The following RALB variants were observed in gnomAD, a reference collection of about 807,000 sequenced individuals.
RALB encodes ras-related protein Ral-B.
Under a neutral mutation model 21.3 loss-of-function variants are expected in RALB, and 16 were observed. That is an observed-to-expected ratio of 0.75 (90% CI 0.51 to 1.14). RALB has a LOEUF of 1.14. RALB is among the 50% of genes most tolerant of loss of function. RALB has a pLI of 0.00. For synonymous variants in RALB, 93 were observed against 96.1 expected, an observed-to-expected ratio of 0.97 and a Z score of 0.19; for missense variants, 161 against 256.2, an observed-to-expected ratio of 0.63 and a Z score of 2.54.
intron 2 of RALB, among the ~76,000 whole-genome samples, chr2:120,285,323 G>A (rs1690103844): frequency 6.6e-6 from 1 of 152,198 alleles, no homozygotes; most frequent in African/African-American, 2.4e-5. Flanking sequence ...ACATTGGGAT[G>A]ATAATTCGGA....
rs148592343 is a variant in RALB, at chr2:120,256,696, C to T, written c.-48+3716C>T. On this transcript the variant is annotated intron_variant, in intron 1 of 4. Coordinates refer to ENST00000272519, the MANE Select transcript of RALB (RefSeq NM_002881.3). Reference sequence around the variant, plus strand: ...CTTTCCTTTATAAATTACCCAGTCTCGGATATTTCTTCATAGCAGCATGAG... The same window carrying T: ...CTTTCCTTTATAAATTACCCAGTCTTGGATATTTCTTCATAGCAGCATGAG... Among the ~76,000 whole-genome samples the T allele has an allele frequency of 9.8e-4, 149 of 152,292 alleles. 3 individuals are homozygous for T. The East Asian group carries it at 0.01, about 10-fold the overall frequency.
intron 3 of RALB, among the ~76,000 whole-genome samples, chr2:120,286,859 A>G (rs1690172998): frequency 6.6e-6 from 1 of 152,204 alleles, no homozygotes; most frequent in Admixed American, 6.5e-5. Flanking sequence ...GGTGTTAGAG[A>G]AGAAAGAAAA....
chr2:120,277,738 C>T lies in RALB; in HGVS notation c.-47-880C>T, dbSNP rs1357413349. On this transcript the variant is annotated intron_variant, in intron 1 of 4. Transcript: ENST00000272519. ...TAGTGCGTGTGTGATAGTGTGTGAG[C>T]TTGTGTGTGAATGTGAGCATGTATG... is the stretch of plus-strand genomic sequence containing the variant. 3.3e-5 allele frequency among the ~76,000 whole-genome samples: 5 copies of T among 150,972 alleles called. No homozygotes were observed. In the East Asian group the frequency reaches 1.0e-3, roughly 30 times the overall value.
intron 1 of RALB, chr2:120,240,254 ATGTACTCATGG>A (rs1688870440): frequency 1.4e-6 from 1 of 731,064 alleles, no homozygotes; most frequent in African/African-American, 1.9e-5. Flanking sequence ...GTCACACAGC[ATGTACTCATGG>A]AGCTGCTACT....
intron 1 of RALB, among the ~76,000 whole-genome samples, chr2:120,263,992 A>G (rs10196019): frequency 0.7 from 105,195 of 150,528 alleles, 37,126 homozygotes; most frequent in Middle Eastern, 0.81. Flanking sequence ...GGGATTACAG[A>G]TGCACGCCAC....
At chr2:120,271,370 C>T (rs1413605758) in intron 1 of RALB, among the ~76,000 whole-genome samples, 1 of 152,170 alleles carries the variant, frequency 6.6e-6, no homozygotes, top group African/African-American at 2.4e-5. Flanking sequence ...AAACCATTTC[C>T]CAGTGCTCTT....
chr2:120,244,979 T>C (rs1298260169), intron 1 of RALB, among the ~76,000 whole-genome samples: 1 of 152,202 alleles, frequency 6.6e-6, no homozygotes, highest in African/African-American at 2.4e-5. Flanking sequence ...GTGTGTGAGA[T>C]GCTTCCCCCA....
Position 120,293,447 on chromosome 2 carries a change from G to T in RALB, c.*187G>T. 2.2e-6 allele frequency: 1 copy of T among 457,582 alleles called. No homozygotes were observed. 28.3% of individuals were successfully genotyped at this position (457,582 alleles called of 1,614,324 possible). On this transcript the variant is annotated 3_prime_UTR_variant, in exon 5 of 5. Coordinates refer to ENST00000272519, the MANE Select transcript of RALB (RefSeq NM_002881.3). Reference sequence around the variant, plus strand: ...CAGAAGAAATAAGCCCATGCAAGTGGAAGGGCTGCTTTGTCAGGAGGTTGT... The same window carrying T: ...CAGAAGAAATAAGCCCATGCAAGTGTAAGGGCTGCTTTGTCAGGAGGTTGT...
intron 1 of RALB, chr2:120,253,815 G>C: frequency 1.6e-6 from 1 of 618,406 alleles, no homozygotes; most frequent in Non-Finnish European, 2.0e-6. Flanking sequence ...GCTCATCTGG[G>C]TTACCTGTGA....
chr2:120,291,423 A>G (rs1363653860), intron 4 of RALB, among the ~76,000 whole-genome samples: 1 of 152,116 alleles, frequency 6.6e-6, no homozygotes, highest in Non-Finnish European at 1.5e-5. Context: ...ATCCAGAAAT[A>G]TGGCTCATTT....
At chr2:120,274,649 G>A (rs1232410496) in intron 1 of RALB, among the ~76,000 whole-genome samples, 1 of 152,152 alleles carries the variant, frequency 6.6e-6, no homozygotes. Flanking sequence ...AGTTAATAGT[G>A]AGTATCTCTG....
chr2:120,290,911 G>A (rs1690290548), intron 4 of RALB, among the ~76,000 whole-genome samples: 1 of 152,176 alleles, frequency 6.6e-6, no homozygotes, highest in Admixed American at 6.5e-5. Context: ...TAGAATCTAA[G>A]CACATAGCAC....
upstream of RALB, among the ~76,000 whole-genome samples, chr2:120,251,795 C>T (rs947967513): frequency 5.3e-5 from 8 of 152,146 alleles, no homozygotes; most frequent in Non-Finnish European, 1.5e-5. Context: ...CTAGGATATT[C>T]TTCTGATTGC....
At chr2:120,243,788 T>A (rs1049620331) in intron 1 of RALB, among the ~76,000 whole-genome samples, 5 of 152,198 alleles carry the variant, frequency 3.3e-5, no homozygotes, top group African/African-American at 1.2e-4. Flanking sequence ...GTATGGCCCC[T>A]GTATTGCATC....
intron 1 of RALB, among the ~76,000 whole-genome samples, chr2:120,247,157 G>T (rs1404832870): frequency 1.3e-5 from 2 of 152,190 alleles, no homozygotes; most frequent in Non-Finnish European, 2.9e-5. Flanking sequence ...TGCGGGAAGA[G>T]GGAAGGGGGA....
intron 1 of RALB, among the ~76,000 whole-genome samples, chr2:120,242,740 A>C (rs1463525119): frequency 6.6e-6 from 1 of 152,092 alleles, no homozygotes; most frequent in Non-Finnish European, 1.5e-5. Flanking sequence ...TGCATCTCAA[A>C]AAATAGTAAT....
chr2:120,277,739 TTGTG>T, intron 1 of RALB, among the ~76,000 whole-genome samples: 2 of 150,840 alleles, frequency 1.3e-5, no homozygotes, highest in Middle Eastern at 7.0e-3. Flanking sequence ...GTGTGTGAGC[TTGTG>T]TGTGAATGTG....
intron 1 of RALB, among the ~76,000 whole-genome samples, chr2:120,268,081 C>T (rs1413663969): frequency 6.6e-6 from 1 of 152,240 alleles, no homozygotes; most frequent in African/African-American, 2.4e-5. Context: ...TGAGCCACTG[C>T]ACCTGGCCTA....
At position 120,293,360 on chromosome 2, in the gene RALB, C is replaced by A; in HGVS notation, c.*100C>A. ...ACTTCTTGCTTGTGCTTCCCACTCT[C>A]CCCGACTTCATTCACTCAAACTTCT... is the stretch of plus-strand genomic sequence containing the variant. On this transcript the variant is annotated 3_prime_UTR_variant, in exon 5 of 5. Transcript: ENST00000272519. 1 of 1,265,160 alleles carries A rather than the reference C, an allele frequency of 7.9e-7. No individual in the cohort carries two copies. The highest frequency in any genetic ancestry group is 1.0e-6 in the Non-Finnish European group (1 of 961,244). The allele number at this position is 1,265,160 out of a possible 1,614,324, so 78.4% of individuals were successfully genotyped here. A position where few individuals can be genotyped will look rare whatever the true frequency, so the allele number is the denominator to read the frequency against.
Sources: allele counts gnomAD v4.1 joint callset (sites outside exome capture counted in the v4.1 genomes callset), GRCh38; gene constraint gnomAD v4.1.1; transcripts MANE v1.5; gene names NCBI Gene and HGNC (gene_info 2026-07-23, HGNC 2026-07-21).